Variants in CTNNA3 observed in about 807,000 individuals in gnomAD.
CTNNA3 encodes the protein catenin alpha 3, also known as catenin alpha-3.
In CTNNA3, 76 loss-of-function variants were observed where a neutral mutation model predicts 95.7. That is an observed-to-expected ratio of 0.79 (90% CI 0.66 to 0.96). The LOEUF (loss-of-function observed/expected upper bound fraction) is 0.96. Ranked by LOEUF, CTNNA3 falls within the 40% of genes least tolerant of loss-of-function variation. The pLI, the probability that CTNNA3 is intolerant of heterozygous loss-of-function variation, is 0.00. For synonymous variants in CTNNA3, 431 were observed against 374.4 expected (o/e 1.15, Z -1.74); for missense variants, 1,191 against 1,089.8 (o/e 1.09, Z -1.31).
intron 11 of CTNNA3, among the ~76,000 whole-genome samples, chr10:66,422,599 A>G (rs1215978819): frequency 2.0e-5 from 3 of 152,000 alleles, no homozygotes; most frequent in African/African-American, 7.2e-5. Flanking sequence ...AGTGAATTGT[A>G]TCTACCCCCT....
chr10:67,475,832 T>C (rs1457495417), intron 5 of CTNNA3, among the ~76,000 whole-genome samples: 2 of 152,180 alleles, frequency 1.3e-5, no homozygotes, highest in Admixed American at 1.3e-4. Flanking sequence ...CAGAAGAAGT[T>C]TGGATTTAAT....
At chr10:66,905,642 G>A (rs933388363) in intron 7 of CTNNA3, among the ~76,000 whole-genome samples, 10 of 152,108 alleles carry the variant, frequency 6.6e-5, no homozygotes, top group African/African-American at 2.4e-4. Context: ...ACTAGATAAA[G>A]AAAAACATGG....
At chr10:67,007,270 C>G (rs539758900) in intron 7 of CTNNA3, among the ~76,000 whole-genome samples, 1 of 152,188 alleles carries the variant, frequency 6.6e-6, no homozygotes, top group African/African-American at 2.4e-5. Flanking sequence ...CCATGTATTT[C>G]CAAGGAATTA....
At chr10:66,728,686 T>C (rs1019893473) in intron 9 of CTNNA3, among the ~76,000 whole-genome samples, 10 of 152,132 alleles carry the variant, frequency 6.6e-5, no homozygotes, top group African/African-American at 2.2e-4. Flanking sequence ...TTTCCCGCGT[T>C]AAGTGATTCT....
intron 5 of CTNNA3, among the ~76,000 whole-genome samples, chr10:67,279,660 A>T (rs1477159578): frequency 6.7e-6 from 1 of 148,886 alleles, no homozygotes; most frequent in Non-Finnish European, 1.5e-5. Context: ...GCTTAGGAAC[A>T]AAAGGAAAGG....
chr10:67,377,062 T>G (rs1281726531), intron 5 of CTNNA3, among the ~76,000 whole-genome samples: 1 of 152,234 alleles, frequency 6.6e-6, no homozygotes. Flanking sequence ...CAGATAAAAG[T>G]GCTCTCTTCC....
At chr10:67,056,150 G>A (rs1327571150) in intron 7 of CTNNA3, among the ~76,000 whole-genome samples, 1 of 152,120 alleles carries the variant, frequency 6.6e-6, no homozygotes, top group Non-Finnish European at 1.5e-5. Flanking sequence ...AATACATACT[G>A]TCGCCCATTC....
chr10:67,664,843 CA>C (rs1840290787), intron 1 of CTNNA3, among the ~76,000 whole-genome samples: 2 of 152,122 alleles, frequency 1.3e-5, no homozygotes, highest in Non-Finnish European at 2.9e-5. Flanking sequence ...ACACAAGTAT[CA>C]AAAATCATGA....
intron 5 of CTNNA3, among the ~76,000 whole-genome samples, chr10:67,428,054 G>T (rs116652746): frequency 2.6e-5 from 4 of 151,922 alleles, no homozygotes; most frequent in African/African-American, 9.7e-5. Flanking sequence ...TGAGAACAAG[G>T]GTTAAGAGGA....
At chr10:66,610,936 T>C (rs1844308168) in intron 10 of CTNNA3, among the ~76,000 whole-genome samples, 1 of 152,126 alleles carries the variant, frequency 6.6e-6, no homozygotes, top group African/African-American at 2.4e-5. Flanking sequence ...TATGTGTGTG[T>C]ATATACATGC....
chr10:66,144,745 C>T (rs1336126021), intron 13 of CTNNA3, among the ~76,000 whole-genome samples: 1 of 152,182 alleles, frequency 6.6e-6, no homozygotes, highest in Non-Finnish European at 1.5e-5. Flanking sequence ...GCATTGGCCT[C>T]CCAAAGTGCT....
At chr10:67,429,098 T>A in intron 5 of CTNNA3, among the ~76,000 whole-genome samples, 1 of 152,026 alleles carries the variant, frequency 6.6e-6, no homozygotes, top group East Asian at 1.9e-4. Flanking sequence ...TTATCCTTAC[T>A]TGGATATGGC....
chr10:66,310,183 A>T (rs978388512), intron 12 of CTNNA3, among the ~76,000 whole-genome samples: 8 of 151,742 alleles, frequency 5.3e-5, no homozygotes, highest in South Asian at 4.1e-4. Context: ...TAATTTTTAC[A>T]TTTTTTTCTT....
intron 11 of CTNNA3, among the ~76,000 whole-genome samples, chr10:66,467,001 T>C (rs539718298): frequency 1.3e-5 from 2 of 152,212 alleles, no homozygotes; most frequent in Admixed American, 6.6e-5. Flanking sequence ...GGGATTCTAA[T>C]CTCAAGACTG....
chr10:65,933,042 G>T (rs1036297193), intron 17 of CTNNA3, among the ~76,000 whole-genome samples: 10 of 152,090 alleles, frequency 6.6e-5, no homozygotes, highest in African/African-American at 2.4e-4. Flanking sequence ...ACTGAATGGT[G>T]CGTGTATGTA....
At chr10:67,074,488 C>G (rs1461431786) in intron 7 of CTNNA3, among the ~76,000 whole-genome samples, 1 of 151,290 alleles carries the variant, frequency 6.6e-6, no homozygotes, top group African/African-American at 2.4e-5. Context: ...GTAGCTGGGA[C>G]TACAGGCGCC....
Position 65,988,760 on chromosome 10 carries a change from A to G in CTNNA3, c.2197T>C (p.Tyr733His), listed in dbSNP as rs1416026323. 1.2e-6 allele frequency: 2 copies of G among 1,613,874 alleles called. No homozygotes were observed. Among genetic ancestry groups the G allele is most frequent in the African/African-American group, 1.3e-5 (1 of 74,916 alleles). ...GPLKHTTDVI[Y>H]AAKMISESGS... Reference sequence around the variant, plus strand: ...GATTCTGATATCATTTTCGCTGCATAGATCACATCAGTTGTATGCTTTAGT... The same window carrying G: ...GATTCTGATATCATTTTCGCTGCATGGATCACATCAGTTGTATGCTTTAGT... The change falls in exon 16 of 18, where the codon TAT becomes CAT. Residue 733 changes from tyrosine (Y) to histidine (H), a missense_variant. Coordinates refer to ENST00000433211, the MANE Select transcript of CTNNA3 (RefSeq NM_013266.4).
At chr10:66,977,813 C>T (rs1016230501) in intron 7 of CTNNA3, among the ~76,000 whole-genome samples, 2 of 152,182 alleles carry the variant, frequency 1.3e-5, no homozygotes, top group Non-Finnish European at 2.9e-5. Context: ...CCAATTGTCA[C>T]TAAAGATATG....
chr10:67,392,216 AC>A (rs1443582098), intron 5 of CTNNA3, among the ~76,000 whole-genome samples: 1 of 152,176 alleles, frequency 6.6e-6, no homozygotes, highest in Non-Finnish European at 1.5e-5. Context: ...CAAGAAAAAA[AC>A]AAACAACCCC....
Sources: allele counts gnomAD v4.1 joint callset (sites outside exome capture counted in the v4.1 genomes callset), GRCh38; gene constraint gnomAD v4.1.1; transcripts MANE v1.5; gene names NCBI Gene and HGNC (gene_info 2026-07-23, HGNC 2026-07-21).